Variants in TMED3 observed in about 807,000 individuals in gnomAD.
TMED3 encodes the protein transmembrane emp24 domain-containing protein 3.
TMED3 carries 9 observed loss-of-function variants against 15.0 expected under a neutral mutation model. The ratio of observed to expected loss-of-function variants is 0.60; its 90% CI spans 0.36 to 1.04. The LOEUF is 1.04. TMED3 is among the 50% of genes least tolerant of loss of function. The pLI is 0.01. For synonymous variants in TMED3, 117 were observed against 121.4 expected, an observed-to-expected ratio of 0.96 and a Z score of 0.24; for missense variants, 267 against 278.9, an observed-to-expected ratio of 0.96 and a Z score of 0.30.
At chr15:79,353,338 GTATATAAAATATATGTTA>G (rs1314831711) in intron 2 of TMED3, among the ~76,000 whole-genome samples, 8 of 71,970 alleles carry the variant, frequency 1.1e-4, no homozygotes, top group South Asian at 3.8e-4. Context: ...TATATATTAT[GTATATAAAATATATGTTA>G]TATATAAAAT....
At chr15:79,384,869 C>G (rs1442873568) in intron 2 of TMED3, 3 of 152,102 alleles carry the variant, frequency 2.0e-5, no homozygotes, top group Admixed American at 2.0e-4. Context: ...AAGAAATGAA[C>G]AGCAGAGGGG....
intron 2 of TMED3, among the ~76,000 whole-genome samples, chr15:79,373,902 A>G (rs1190428572): frequency 6.6e-6 from 1 of 152,242 alleles, no homozygotes; most frequent in Non-Finnish European, 1.5e-5. Context: ...GGTCTGCCTG[A>G]AGAGTTGAAA....
intron 2 of TMED3, among the ~76,000 whole-genome samples, chr15:79,349,303 A>G (rs763385211): frequency 7.2e-5 from 11 of 152,334 alleles, no homozygotes; most frequent in Non-Finnish European, 1.3e-4. Flanking sequence ...AAAACATCAT[A>G]TGGTGCATGA....
intron 2 of TMED3, among the ~76,000 whole-genome samples, chr15:79,365,919 G>A (rs1330427371): frequency 6.6e-6 from 1 of 152,180 alleles, no homozygotes; most frequent in Non-Finnish European, 1.5e-5. Context: ...AGTTTCTGAA[G>A]AACAAGTCAG....
At chr15:79,400,547 G>A (rs1893820493) in intron 2 of TMED3, among the ~76,000 whole-genome samples, 2 of 152,176 alleles carry the variant, frequency 1.3e-5, no homozygotes, top group South Asian at 4.1e-4. Context: ...AGGGTCTAGA[G>A]TTGATTAGAG....
In TMED3 at chr15:79,340,881, T is replaced by A. The variant is rs77514181; in HGVS notation, c.417+26876T>A. 9.6e-3 allele frequency among the ~76,000 whole-genome samples: 1,462 copies of A among 152,196 alleles called. 19 individuals are homozygous for A. Among genetic ancestry groups the A allele is most frequent in the African/African-American group, 0.034 (1,403 of 41,534 alleles). On this transcript the variant is annotated intron_variant, in intron 2 of 2. Transcript: ENST00000424155. The stretch of plus-strand genomic sequence containing the variant: ...CTAGCTTAAGGTAGAGTGTGGCCAA[T>A]TGAGTGAGAGGGGTCAGATAAAAGG...
At chr15:79,319,658 C>T (rs1478764475) in intron 2 of TMED3, among the ~76,000 whole-genome samples, 5 of 152,084 alleles carry the variant, frequency 3.3e-5, no homozygotes, top group Middle Eastern at 3.4e-3. Flanking sequence ...GTAGTGGCCC[C>T]GAATGCCAGG....
intron 2 of TMED3, among the ~76,000 whole-genome samples, chr15:79,349,973 A>G (rs1305711776): frequency 6.6e-6 from 1 of 152,236 alleles, no homozygotes; most frequent in Non-Finnish European, 1.5e-5. Context: ...TTTTACATGT[A>G]TCCCTCTCTA....
chr15:79,386,034 G>A (rs1893622856), intron 2 of TMED3, among the ~76,000 whole-genome samples: 1 of 152,232 alleles, frequency 6.6e-6, no homozygotes, highest in South Asian at 2.1e-4. Flanking sequence ...AAAGTAGTAT[G>A]AATAATGGAG....
At chr15:79,359,231 T>G (rs1893076279) in intron 2 of TMED3, among the ~76,000 whole-genome samples, 1 of 8,880 alleles carries the variant, frequency 1.1e-4, no homozygotes, top group Non-Finnish European at 6.4e-4. Context: ...GAAGGCTCAG[T>G]TTTTTTTTTT....
At chr15:79,400,732 G>C (rs1414727492) in intron 2 of TMED3, among the ~76,000 whole-genome samples, 2 of 152,078 alleles carry the variant, frequency 1.3e-5, no homozygotes, top group African/African-American at 4.8e-5. Flanking sequence ...TCCTAACTTT[G>C]TCATCATTGT....
At chr15:79,370,240 C>T (rs1377244443) in intron 2 of TMED3, among the ~76,000 whole-genome samples, 1 of 149,000 alleles carries the variant, frequency 6.7e-6, no homozygotes, top group African/African-American at 2.5e-5. Context: ...CAGGCATGGG[C>T]CACCATGCCC....
intron 2 of TMED3, among the ~76,000 whole-genome samples, chr15:79,395,237 T>G (rs1893749676): frequency 2.6e-5 from 4 of 152,228 alleles, no homozygotes; most frequent in South Asian, 2.1e-4. Context: ...TGGAGTGCAG[T>G]GGCACGATCT....
At chr15:79,366,870 G>A (rs775183616) in intron 2 of TMED3, among the ~76,000 whole-genome samples, 3 of 151,782 alleles carry the variant, frequency 2.0e-5, no homozygotes, top group Non-Finnish European at 4.4e-5. Flanking sequence ...AGCCCTTTGT[G>A]TATTTAATGT....
intron 2 of TMED3, among the ~76,000 whole-genome samples, chr15:79,321,134 G>A (rs1478456912): frequency 1.3e-5 from 2 of 152,292 alleles, no homozygotes; most frequent in Non-Finnish European, 2.9e-5. Flanking sequence ...AGCTCCTGGC[G>A]TCTGAGGGCT....
chr15:79,349,012 AT>A (rs201394908), intron 2 of TMED3, among the ~76,000 whole-genome samples: 2 of 151,562 alleles, frequency 1.3e-5, no homozygotes, highest in Non-Finnish European at 2.9e-5. Flanking sequence ...TAGTTTTTTG[AT>A]TTTTTGTAGA....
chr15:79,370,070 TGAA>T lies in TMED3; in HGVS notation c.418-41324_418-41322del, dbSNP rs1406455743. Among the ~76,000 whole-genome samples, 3 of 152,064 alleles carry T rather than the reference TGAA, an allele frequency of 2.0e-5. No individual in the cohort carries two copies. In the East Asian group the frequency reaches 5.8e-4, roughly 29 times the overall value. ...AACTTGCCCTGTAGGGAATGTCTGGTGAAGAAGAGGTAAAAGGCTATATGTGCA... is the reference window on the plus strand; with the variant it reads ...AACTTGCCCTGTAGGGAATGTCTGGTGAAGAGGTAAAAGGCTATATGTGCA... On this transcript the variant is annotated intron_variant, in intron 2 of 2. Transcript: ENST00000424155.
In TMED3 at chr15:79,311,185, G is replaced by A. The variant is rs1474379545; in HGVS notation, c.-65G>A. 1.1e-5 allele frequency: 17 copies of A among 1,509,706 alleles called. No individual in the cohort carries two copies. The highest frequency in any genetic ancestry group is 1.4e-5 in the Non-Finnish European group (16 of 1,133,816). 93.5% of individuals were successfully genotyped at this position (1,509,706 alleles called of 1,614,324 possible). ...TCCTCCTAGGACCCGGTCGGTAGTC[G>A]TCGCCCCAGCCCGCCGGGGGCGCAG... On this transcript the variant is annotated 5_prime_UTR_variant, in exon 1 of 3. Coordinates refer to ENST00000299705, the MANE Select transcript of TMED3 (RefSeq NM_007364.4).
intron 2 of TMED3, among the ~76,000 whole-genome samples, chr15:79,402,036 C>G (rs992600994): frequency 6.6e-6 from 1 of 152,104 alleles, no homozygotes; most frequent in Non-Finnish European, 1.5e-5. Context: ...AAACCTGTGA[C>G]AAAGGCTTTT....
Sources: allele counts gnomAD v4.1 joint callset (sites outside exome capture counted in the v4.1 genomes callset), GRCh38; gene constraint gnomAD v4.1.1; transcripts MANE v1.5; gene names NCBI Gene and HGNC (gene_info 2026-07-23, HGNC 2026-07-21).